Variants in UTS2B observed in about 807,000 individuals in gnomAD.
The protein encoded by UTS2B is urotensin 2B.
In UTS2B, 21 loss-of-function variants were observed where a neutral mutation model predicts 19.2. The observed-to-expected ratio is 1.09, with a 90% CI of 0.78 to 1.58. The LOEUF (loss-of-function observed/expected upper bound fraction) is 1.58, where lower values mean the gene tolerates loss of function less well. Among genes scored for constraint, UTS2B ranks in the 40% most tolerant of loss-of-function variants. The pLI, the probability that UTS2B is intolerant of heterozygous loss-of-function variation, is 0.00. For missense variants in UTS2B, 138 were observed against 130.3 expected (o/e 1.06, Z -0.29); for synonymous variants, 57 against 50.2 (o/e 1.14, Z -0.58).
intron 4 of UTS2B, among the ~76,000 whole-genome samples, chr3:191,289,327 T>A (rs1716644187): frequency 6.6e-6 from 1 of 151,592 alleles, no homozygotes; most frequent in African/African-American, 2.4e-5. Flanking sequence ...GAGAATGGCG[T>A]AAACCTGGGA....
At chr3:191,309,248 G>A (rs1449986868) in intron 3 of UTS2B, among the ~76,000 whole-genome samples, 3 of 152,026 alleles carry the variant, frequency 2.0e-5, no homozygotes, top group South Asian at 2.1e-4. Flanking sequence ...TGCAAGCTCC[G>A]CCTCCCTGAT....
the UTS2B span, among the ~76,000 whole-genome samples, chr3:191,338,269 T>G: frequency 2.0e-5 from 3 of 152,216 alleles, no homozygotes; most frequent in African/African-American, 7.2e-5. Flanking sequence ...ACCAAATACT[T>G]TGAAAATATT....
At chr3:191,313,327 A>G (rs2108605355) in intron 3 of UTS2B, among the ~76,000 whole-genome samples, 1 of 152,302 alleles carries the variant, frequency 6.6e-6, no homozygotes, top group South Asian at 2.1e-4. Flanking sequence ...GTAACATTTA[A>G]CTCACAGTAA....
intron 8 of UTS2B, among the ~76,000 whole-genome samples, chr3:191,271,364 A>G (rs541504402): frequency 6.6e-6 from 1 of 152,220 alleles, no homozygotes; most frequent in South Asian, 2.1e-4. Context: ...CCCTAGTTTT[A>G]GTGAGTTAGA....
intron 4 of UTS2B, among the ~76,000 whole-genome samples, chr3:191,291,578 G>C (rs1178023079): frequency 2.6e-5 from 4 of 151,820 alleles, no homozygotes; most frequent in Admixed American, 6.6e-5. Context: ...TCAGCCTCCT[G>C]AGTAGCTGGG....
chr3:191,308,911 A>C (rs974305582), intron 3 of UTS2B, among the ~76,000 whole-genome samples: 5 of 152,196 alleles, frequency 3.3e-5, no homozygotes, highest in African/African-American at 1.2e-4. Context: ...AGAATGTAAA[A>C]ACGATAAATG....
At chr3:191,329,329 C>T (rs1189440388) in intron 1 of UTS2B, 1 of 269,426 alleles carries the variant, frequency 3.7e-6, no homozygotes, top group Non-Finnish European at 6.8e-6. Flanking sequence ...GCAGCTCCCC[C>T]TCCCCCAGCC....
intron 4 of UTS2B, 37 bp downstream of exon 4, chr3:191,304,455 G>A (rs1466326897): frequency 6.6e-6 from 1 of 152,112 alleles, no homozygotes; most frequent in Non-Finnish European, 1.5e-5. Flanking sequence ...TATTCTATTG[G>A]CATTTTTCCT....
chr3:191,341,173 G>C, the UTS2B span, among the ~76,000 whole-genome samples: 2 of 152,148 alleles, frequency 1.3e-5, no homozygotes, highest in Non-Finnish European at 2.9e-5. Flanking sequence ...CTAGATCTAT[G>C]TTAATCAGTG....
At chr3:191,334,446 T>A (rs1576945773), upstream of UTS2B, among the ~76,000 whole-genome samples, 1 of 152,300 alleles carries the variant, frequency 6.6e-6, no homozygotes, top group African/African-American at 2.4e-5. Context: ...CCATAGTTAA[T>A]TGGTACTTTA....
upstream of UTS2B, among the ~76,000 whole-genome samples, chr3:191,335,372 T>G (rs1711503103): frequency 6.6e-6 from 1 of 152,182 alleles, no homozygotes; most frequent in South Asian, 2.1e-4. Context: ...AACTGGTGAC[T>G]CGTTTAAAGG....
In UTS2B at chr3:191,305,540, C is replaced by T. The variant is rs192338000; in HGVS notation, c.-181-992G>A. Among the ~76,000 whole-genome samples, 162 of 151,964 alleles carry T rather than the reference C, an allele frequency of 1.1e-3. 1 individual carries two copies. The highest frequency in any genetic ancestry group is 3.4e-3 in the Middle Eastern group (1 of 294). On this transcript the variant is annotated intron_variant, in intron 3 of 8. Coordinates refer to ENST00000340524, the MANE Select transcript of UTS2B (RefSeq NM_198152.5). ...GTTTTCTTGTAAATTTGTTTAAATT[C>T]CTTATAGATGCTGGATATTAGACCT...
chr3:191,329,803 T>A, intron 1 of UTS2B: 1 of 1,479,972 alleles, frequency 6.8e-7, no homozygotes, highest in Non-Finnish European at 9.2e-7. Context: ...GCGTTGCCAT[T>A]TCGGCTCCCG....
intron 2 of UTS2B, among the ~76,000 whole-genome samples, chr3:191,317,004 G>C (rs1410032015): frequency 6.6e-6 from 1 of 152,250 alleles, no homozygotes; most frequent in African/African-American, 2.4e-5. Flanking sequence ...GTCCCGCACT[G>C]CGTGCCTGCA....
At chr3:191,287,802 G>T (rs1388482796) in intron 4 of UTS2B, among the ~76,000 whole-genome samples, 1 of 151,728 alleles carries the variant, frequency 6.6e-6, no homozygotes, top group East Asian at 1.9e-4. Context: ...AGAACAATTA[G>T]AAAAAAAGAA....
At position 191,281,384 on chromosome 3, in the gene UTS2B, C is replaced by T. The variant is rs1025466187; in HGVS notation, c.103+703G>A. Among the ~76,000 whole-genome samples the T allele has an allele frequency of 3.9e-5, 6 of 152,180 alleles. No homozygotes were observed. The East Asian group carries it at 5.8e-4, about 15-fold the overall frequency. ...CCTGATAAATCATCACTAAATCTAGCTCTCAGGATTCTCAGTTTAAGAGCT... is the reference window on the plus strand; with the variant it reads ...CCTGATAAATCATCACTAAATCTAGTTCTCAGGATTCTCAGTTTAAGAGCT... On this transcript the variant is annotated intron_variant, in intron 5 of 8. Coordinates refer to ENST00000340524, the MANE Select transcript of UTS2B (RefSeq NM_198152.5).
chr3:191,290,747 C>T (rs758826884), intron 4 of UTS2B, among the ~76,000 whole-genome samples: 20 of 152,180 alleles, frequency 1.3e-4, no homozygotes, highest in Non-Finnish European at 1.9e-4. Context: ...ATGAAGGCTT[C>T]GTCAAGTTAT....
chr3:191,274,197 G>C (rs1307548416), intron 8 of UTS2B, among the ~76,000 whole-genome samples: 3 of 151,986 alleles, frequency 2.0e-5, no homozygotes, highest in Non-Finnish European at 4.4e-5. Context: ...CTTAGCAGTT[G>C]GGTTATTTTC....
upstream of UTS2B, among the ~76,000 whole-genome samples, chr3:191,331,034 A>T (rs1157087035): frequency 6.6e-6 from 1 of 152,218 alleles, no homozygotes; most frequent in Non-Finnish European, 1.5e-5. Context: ...TCTGCTGTCA[A>T]GACTAAGGAG....
Sources: allele counts gnomAD v4.1 joint callset (sites outside exome capture counted in the v4.1 genomes callset), GRCh38; gene constraint gnomAD v4.1.1; transcripts MANE v1.5; gene names NCBI Gene and HGNC (gene_info 2026-07-23, HGNC 2026-07-21).